PRKAR2B: variants seen among roughly 807,000 people sequenced by gnomAD.
PRKAR2B encodes cAMP-dependent protein kinase type II-beta regulatory subunit.
PRKAR2B carries 14 observed loss-of-function variants against 49.9 expected under a neutral mutation model. That is an observed-to-expected ratio of 0.28 (90% CI 0.19 to 0.44). PRKAR2B has a LOEUF of 0.44. Ranked by LOEUF, PRKAR2B falls within the 20% of genes least tolerant of loss-of-function variation. The probability of loss-of-function intolerance (pLI) is 1.00; values close to 1 mark genes in which losing one functional copy is unlikely to be tolerated. For missense variants in PRKAR2B, 393 were observed against 537.9 expected (o/e 0.73, Z 2.67); for synonymous variants, 196 against 197.7 (o/e 0.99, Z 0.07).
At chr7:107,057,050 C>G (rs565462494) in intron 1 of PRKAR2B, among the ~76,000 whole-genome samples, 1 of 152,278 alleles carries the variant, frequency 6.6e-6, no homozygotes, top group Admixed American at 6.5e-5. Flanking sequence ...ATCTATTGCC[C>G]TGAACCTGCT....
chr7:107,118,601 T>C (rs1238893762), intron 2 of PRKAR2B, among the ~76,000 whole-genome samples: 2 of 152,162 alleles, frequency 1.3e-5, no homozygotes, highest in African/African-American at 4.8e-5. Context: ...TTTGGAAGCA[T>C]GCAGTGTGGT....
chr7:107,074,013 G>A (rs555165274), intron 2 of PRKAR2B, among the ~76,000 whole-genome samples: 14 of 152,168 alleles, frequency 9.2e-5, no homozygotes, highest in African/African-American at 3.4e-4. Context: ...AGTGGGCTGA[G>A]ATTGTGCCAC....
chr7:107,092,266 T>TGTGC (rs1554366456), intron 2 of PRKAR2B, among the ~76,000 whole-genome samples: 1 of 149,206 alleles, frequency 6.7e-6, no homozygotes, highest in Non-Finnish European at 1.5e-5. Flanking sequence ...TGTGTGTGTG[T>TGTGC]GTGCGTGTGT....
In PRKAR2B at chr7:107,070,324, T is replaced by G. The variant is rs572666860; in HGVS notation, c.343+8T>G. ...TCACAAGGCGTGCCTCAGGTAAGTCTGATTATATTATGGATTTTGTTTATT... is the reference window on the plus strand; with the variant it reads ...TCACAAGGCGTGCCTCAGGTAAGTCGGATTATATTATGGATTTTGTTTATT... On this transcript the variant is annotated splice_region_variant and intron_variant, in intron 2 of 10. Transcript: ENST00000265717. The G allele has an allele frequency of 3.1e-6, 5 of 1,596,870 alleles. No homozygotes were observed. In the East Asian group the frequency reaches 9.0e-5, roughly 29 times the overall value.
At chr7:107,074,553 C>T (rs1239373599) in intron 2 of PRKAR2B, among the ~76,000 whole-genome samples, 1 of 151,952 alleles carries the variant, frequency 6.6e-6, no homozygotes, top group African/African-American at 2.4e-5. Flanking sequence ...AATTTTGCCA[C>T]TTTGGGAGGC....
intron 2 of PRKAR2B, among the ~76,000 whole-genome samples, chr7:107,115,092 A>G (rs1364028806): frequency 6.6e-6 from 1 of 152,068 alleles, no homozygotes. Flanking sequence ...TAGTAATTAC[A>G]TGTCTGGGAT....
intron 2 of PRKAR2B, among the ~76,000 whole-genome samples, chr7:107,095,319 G>A (rs572677190): frequency 8.2e-4 from 124 of 152,080 alleles, no homozygotes; most frequent in Non-Finnish European, 9.3e-4. Flanking sequence ...TTATTGGTGT[G>A]TAAGAATGCT....
intron 2 of PRKAR2B, among the ~76,000 whole-genome samples, chr7:107,074,210 A>G (rs569448438): frequency 2.4e-4 from 37 of 152,072 alleles, no homozygotes; most frequent in African/African-American, 7.7e-4. Context: ...CCACCCTCCC[A>G]AGTTCAAGCA....
intron 7 of PRKAR2B, among the ~76,000 whole-genome samples, chr7:107,151,454 G>A (rs771966950): frequency 2.0e-5 from 3 of 152,054 alleles, no homozygotes; most frequent in African/African-American, 7.3e-5. Flanking sequence ...TCTGTCCTTG[G>A]CCTCTTCTCT....
At chr7:107,100,505 A>G (rs913888951) in intron 2 of PRKAR2B, among the ~76,000 whole-genome samples, 1 of 152,176 alleles carries the variant, frequency 6.6e-6, no homozygotes, top group Non-Finnish European at 1.5e-5. Context: ...GCTGAGGTTC[A>G]TTGAACTTCT....
rs192542788 is a variant in PRKAR2B, at chr7:107,073,278, A to G, written c.343+2962A>G. ...ATACATTCTTTAGGATTATTTTTAC[A>G]CTTTTAAGAACACTATTTGTGCTAT... On this transcript the variant is annotated intron_variant, in intron 2 of 10. Transcript: ENST00000265717. Among the ~76,000 whole-genome samples the G allele has an allele frequency of 7.9e-5, 12 of 152,242 alleles. No homozygotes were observed. The East Asian group carries it at 1.2e-3, about 15-fold the overall frequency.
intron 7 of PRKAR2B, among the ~76,000 whole-genome samples, chr7:107,151,617 A>G (rs770361424): frequency 3.3e-5 from 5 of 152,224 alleles, no homozygotes; most frequent in South Asian, 2.1e-4. Context: ...CACCTAAACT[A>G]TGGAACATTC....
chr7:107,147,008 A>C (rs769436387), intron 6 of PRKAR2B, among the ~76,000 whole-genome samples: 3 of 152,194 alleles, frequency 2.0e-5, no homozygotes, highest in African/African-American at 2.4e-5. Context: ...CTGCATTTAA[A>C]AGCAGTTGTG....
At position 107,161,263 on chromosome 7, in the gene PRKAR2B, T is replaced by C. The variant is rs1362339434; in HGVS notation, c.*1681T>C. On this transcript the variant is annotated 3_prime_UTR_variant, in exon 11 of 11. Coordinates refer to ENST00000265717, the MANE Select transcript of PRKAR2B (RefSeq NM_002736.3). ...TTCAGATTTTATTTTAAAAGCCATGTCTGTTAAACAAGAAAAAACACAAAA... is the reference window on the plus strand; with the variant it reads ...TTCAGATTTTATTTTAAAAGCCATGCCTGTTAAACAAGAAAAAACACAAAA... The C allele has an allele frequency of 6.6e-6, 1 of 152,334 alleles. No homozygotes were observed. The highest frequency in any genetic ancestry group is 1.9e-4 in the East Asian group (1 of 5,202). The allele number at this position is 152,334 out of a possible 1,614,324, so 9.4% of individuals were successfully genotyped here. A position where few individuals can be genotyped will look rare whatever the true frequency, so the allele number is the denominator to read the frequency against.
intron 8 of PRKAR2B, among the ~76,000 whole-genome samples, chr7:107,156,404 C>A (rs1282411348): frequency 6.6e-6 from 1 of 152,036 alleles, no homozygotes; most frequent in Non-Finnish European, 1.5e-5. Flanking sequence ...CACCACTGCA[C>A]TCCAGCCTGG....
intron 2 of PRKAR2B, among the ~76,000 whole-genome samples, chr7:107,118,932 A>G (rs145035048): frequency 3.3e-5 from 5 of 152,318 alleles, no homozygotes; most frequent in East Asian, 1.9e-4. Context: ...TGCAACAGGA[A>G]TGCCAAGAAC....
chr7:107,132,943 T>G (rs1420447866), intron 4 of PRKAR2B, among the ~76,000 whole-genome samples: 2 of 151,810 alleles, frequency 1.3e-5, no homozygotes, highest in African/African-American at 2.4e-5. Flanking sequence ...CTCCACTCAG[T>G]AGGCCATTTT....
At chr7:107,126,420 C>CAATAA (rs1795494179) in intron 3 of PRKAR2B, among the ~76,000 whole-genome samples, 1 of 38,392 alleles carries the variant, frequency 2.6e-5, no homozygotes, top group African/African-American at 1.0e-4. Flanking sequence ...GAATCTGTCT[C>CAATAA]AAAAAAAAAA....
chr7:107,160,308 C>T lies in PRKAR2B; in HGVS notation c.*726C>T, dbSNP rs771164106. On this transcript the variant is annotated 3_prime_UTR_variant, in exon 11 of 11. Coordinates refer to ENST00000265717, the MANE Select transcript of PRKAR2B (RefSeq NM_002736.3). The stretch of plus-strand genomic sequence containing the variant: ...CATTTTTCCCTCATCAAGCATATAT[C>T]TGCTTTTTTTTATTTTGCAATTCTC... 8.5e-5 allele frequency: 13 copies of T among 152,260 alleles called. No homozygotes were observed. The highest frequency in any genetic ancestry group is 1.5e-4 in the Non-Finnish European group (10 of 67,992). 9.4% of individuals were successfully genotyped at this position (152,260 alleles called of 1,614,324 possible).
Sources: gnomAD v4.1 joint callset for allele counts (sites outside exome capture counted in the v4.1 genomes callset) on GRCh38, gnomAD v4.1.1 for gene constraint, MANE v1.5 for transcripts, NCBI Gene and HGNC (gene_info 2026-07-23, HGNC 2026-07-21) for gene names.